Variants in ALG14 observed in about 807,000 individuals in gnomAD.
ALG14 encodes the protein ALG14 UDP-N-acetylglucosaminyltransferase subunit.
A neutral mutation model predicts 22.8 loss-of-function variants in ALG14; 17 were observed. That is an observed-to-expected ratio of 0.75 (90% confidence interval 0.51 to 1.12). The LOEUF (loss-of-function observed/expected upper bound fraction) is 1.12. ALG14 is among the 50% of genes most tolerant of loss of function. The pLI is 0.00. For missense variants in ALG14, 288 were observed against 271.8 expected (o/e 1.06, Z -0.42); for synonymous variants, 89 against 103.7 (o/e 0.86, Z 0.86).
chr1:95,060,329 T>C (rs182025012), intron 2 of ALG14, among the ~76,000 whole-genome samples: 19 of 151,146 alleles, frequency 1.3e-4, no homozygotes, highest in African/African-American at 4.3e-4. Context: ...AGTGGCTGCA[T>C]TGCCCCAGTA....
intron 2 of ALG14, among the ~76,000 whole-genome samples, chr1:95,043,836 G>T (rs904366458): frequency 6.7e-6 from 1 of 148,886 alleles, no homozygotes; most frequent in East Asian, 1.9e-4. Flanking sequence ...AGAAGAGAGA[G>T]AAGGAGGGGA....
chr1:95,005,295 G>C (rs1673186163), intron 3 of ALG14, among the ~76,000 whole-genome samples: 1 of 152,166 alleles, frequency 6.6e-6, no homozygotes, highest in African/African-American at 2.4e-5. Flanking sequence ...ATTTGAAGAT[G>C]GGGAGCCTGG....
intron 2 of ALG14, among the ~76,000 whole-genome samples, chr1:95,051,223 C>A (rs1571656610): frequency 1.4e-4 from 1 of 7,042 alleles, no homozygotes; most frequent in African/African-American, 2.2e-4. Context: ...CCCCTCTAAC[C>A]TTCTCTGTGT....
At chr1:94,990,622 G>A (rs1036190975) in intron 3 of ALG14, among the ~76,000 whole-genome samples, 3 of 152,146 alleles carry the variant, frequency 2.0e-5, no homozygotes, top group Non-Finnish European at 4.4e-5. Context: ...GTGCCACTGC[G>A]TGAACGTACT....
At position 94,978,004 on chromosome 1, in the gene ALG14, A is replaced by C. The variant is rs1672428037; in HGVS notation, c.*5072T>G. On this transcript the variant is annotated 3_prime_UTR_variant, in exon 4 of 4. Coordinates refer to ENST00000370205, the MANE Select transcript of ALG14 (RefSeq NM_144988.4). The stretch of plus-strand genomic sequence containing the variant: ...GGTCCTGAGATCAAAACGTTTGTGA[A>C]GCACTGGTCTAGATAAAATATAACT... 6.6e-6 allele frequency: 1 copy of C among 152,090 alleles called. No individual in the cohort carries two copies. Among genetic ancestry groups the C allele is most frequent in the South Asian group, 2.1e-4 (1 of 4,834 alleles). The allele number at this position is 152,090 out of a possible 1,614,324, so 9.4% of individuals were successfully genotyped here.
intron 3 of ALG14, among the ~76,000 whole-genome samples, chr1:94,984,616 C>T (rs181791804): frequency 3.0e-4 from 46 of 152,338 alleles, no homozygotes; most frequent in African/African-American, 8.4e-4. Flanking sequence ...AATTTGTCTT[C>T]AGACTTTCCC....
At chr1:95,067,331 C>A (rs1269708878) in intron 1 of ALG14, 1 of 152,248 alleles carries the variant, frequency 6.6e-6, no homozygotes, top group East Asian at 1.9e-4. Context: ...TGTTTCAAAA[C>A]AACTTATGTA....
In ALG14 at chr1:95,064,649, T is replaced by C. The variant is rs141813769; in HGVS notation, c.288+217A>G. On this transcript the variant is annotated intron_variant, in intron 2 of 3. Transcript: ENST00000370205. The stretch of plus-strand genomic sequence containing the variant: ...ATGAAGCCAACTTGATCATGGTGGA[T>C]AAACTTTTTGATGTGCTAAGCAACC... Among the ~76,000 whole-genome samples, 204 of 152,320 alleles carry C rather than the reference T, an allele frequency of 1.3e-3. 1 individual carries two copies. Among genetic ancestry groups the C allele is most frequent in the African/African-American group, 4.6e-3 (193 of 41,572 alleles).
intron 2 of ALG14, 32 bp downstream of exon 2, chr1:95,064,834 T>A: frequency 6.3e-7 from 1 of 1,594,546 alleles, no homozygotes. Flanking sequence ...GTGCAACTTG[T>A]AATTTTCTTA....
At chr1:95,058,211 G>C (rs1675002782) in intron 2 of ALG14, among the ~76,000 whole-genome samples, 1 of 139,898 alleles carries the variant, frequency 7.1e-6, no homozygotes, top group African/African-American at 2.7e-5. Flanking sequence ...GCTTGAACCA[G>C]GGAATCGGAA....
rs991785250 is a variant in ALG14 at position 94,980,254 on chromosome 1, T to C, written c.*2822A>G. ...CTCACAATTGTCACCACTCCTCTTG[T>C]TGACACGGTTTCATAGCACTCTTCG... On this transcript the variant is annotated 3_prime_UTR_variant, in exon 4 of 4. Coordinates refer to ENST00000370205, the MANE Select transcript of ALG14 (RefSeq NM_144988.4). 4 of 152,170 alleles carry C rather than the reference T, an allele frequency of 2.6e-5. No individual in the cohort carries two copies. Among genetic ancestry groups the C allele is most frequent in the Non-Finnish European group, 5.9e-5 (4 of 68,034 alleles). The allele number at this position is 152,170 out of a possible 1,614,324, so 9.4% of individuals were successfully genotyped here. A position where few individuals can be genotyped will look rare whatever the true frequency, so the allele number is the denominator to read the frequency against.
chr1:95,011,017 G>A (rs1036989973), intron 3 of ALG14, among the ~76,000 whole-genome samples: 1 of 152,158 alleles, frequency 6.6e-6, no homozygotes, highest in Non-Finnish European at 1.5e-5. Flanking sequence ...AATACTGTGT[G>A]TTGACCTGGC....
intron 2 of ALG14, among the ~76,000 whole-genome samples, chr1:95,063,070 A>G (rs1444625828): frequency 6.6e-6 from 1 of 152,012 alleles, no homozygotes; most frequent in Non-Finnish European, 1.5e-5. Context: ...GCTTTCTTTC[A>G]TATGTTTGTT....
At chr1:95,001,342 G>T (rs1023682985) in intron 3 of ALG14, among the ~76,000 whole-genome samples, 1 of 152,156 alleles carries the variant, frequency 6.6e-6, no homozygotes, top group South Asian at 2.1e-4. Flanking sequence ...TCTACACCCC[G>T]ACTGGTGTGC....
At chr1:95,012,373 G>A (rs1673391277) in intron 3 of ALG14, among the ~76,000 whole-genome samples, 1 of 152,166 alleles carries the variant, frequency 6.6e-6, no homozygotes, top group African/African-American at 2.4e-5. Flanking sequence ...CTCTAGGTTG[G>A]GGAAATAATA....
At chr1:95,025,307 T>C (rs1673780424) in intron 3 of ALG14, among the ~76,000 whole-genome samples, 1 of 152,216 alleles carries the variant, frequency 6.6e-6, no homozygotes, top group South Asian at 2.1e-4. Context: ...AACAGTGGGT[T>C]TAAAATATTC....
In ALG14 at chr1:94,976,629, TTGCAG is replaced by T. The variant is rs1672401623; in HGVS notation, c.*6442_*6446del. On this transcript the variant is annotated 3_prime_UTR_variant, in exon 4 of 4. Coordinates refer to ENST00000370205, the MANE Select transcript of ALG14 (RefSeq NM_144988.4). ...ATCGCTTGAACCAGGGAGGTAGAGG[TTGCAG>T]TGAGTTGAGATTGCACCACAGCACT... is the stretch of plus-strand genomic sequence containing the variant. The T allele has an allele frequency of 6.6e-6, 1 of 151,920 alleles. No homozygotes were observed. The highest frequency in any genetic ancestry group is 6.6e-5 in the Admixed American group (1 of 15,254). 9.4% of individuals were successfully genotyped at this position (151,920 alleles called of 1,614,324 possible). A position where few individuals can be genotyped will look rare whatever the true frequency, so the allele number is the denominator to read the frequency against.
chr1:94,993,338 CTTAT>C (rs1383466177), intron 3 of ALG14, among the ~76,000 whole-genome samples: 1 of 143,918 alleles, frequency 6.9e-6, no homozygotes, highest in Non-Finnish European at 1.5e-5. Context: ...TATTTTAAAT[CTTAT>C]TTATATTTAT....
intron 2 of ALG14, among the ~76,000 whole-genome samples, chr1:95,043,749 G>T (rs1203022536): frequency 6.6e-6 from 1 of 151,870 alleles, no homozygotes; most frequent in African/African-American, 2.4e-5. Context: ...AGAAGGAAAA[G>T]AAGTAGAAGG....
Sources: gnomAD v4.1 joint callset for allele counts (sites outside exome capture counted in the v4.1 genomes callset) on GRCh38, gnomAD v4.1.1 for gene constraint, MANE v1.5 for transcripts, NCBI Gene and HGNC (gene_info 2026-07-23, HGNC 2026-07-21) for gene names.